The following CACHD1 variants were observed in gnomAD, a reference collection of about 807,000 sequenced individuals.
CACHD1 encodes the protein cache domain containing 1.
Under a neutral mutation model 138.7 loss-of-function variants are expected in CACHD1, and 71 were observed. The observed-to-expected ratio is 0.51, with a 90% CI of 0.42 to 0.62. The LOEUF is 0.62. Among genes scored for constraint, CACHD1 ranks in the 20% least tolerant of loss-of-function variants. CACHD1 has a pLI of 0.00. For missense variants in CACHD1, 1,389 were observed against 1,625.3 expected (o/e 0.85, Z 2.50); for synonymous variants, 578 against 591.5 (o/e 0.98, Z 0.33).
chr1:64,598,533 A>G (rs1261489086), intron 3 of CACHD1, among the ~76,000 whole-genome samples: 1 of 152,204 alleles, frequency 6.6e-6, no homozygotes, highest in Non-Finnish European at 1.5e-5. Context: ...CCTTCCAGCA[A>G]CTGTGCTAGA....
At chr1:64,477,631 T>TTA (rs1646183090) in intron 1 of CACHD1, among the ~76,000 whole-genome samples, 2 of 126,902 alleles carry the variant, frequency 1.6e-5, no homozygotes, top group African/African-American at 3.6e-5. Context: ...ATTATTTTAT[T>TTA]TTATTTTTTT....
At chr1:64,522,235 A>G (rs952908180) in intron 1 of CACHD1, among the ~76,000 whole-genome samples, 5 of 152,066 alleles carry the variant, frequency 3.3e-5, no homozygotes, top group African/African-American at 1.2e-4. Context: ...TGGTTTTGGC[A>G]CCCTTCAAGA....
At chr1:64,489,338 G>A (rs899497750) in intron 1 of CACHD1, among the ~76,000 whole-genome samples, 5 of 151,764 alleles carry the variant, frequency 3.3e-5, no homozygotes, top group Non-Finnish European at 7.3e-5. Flanking sequence ...TGATTTTGAA[G>A]AAGGAGTGAG....
intron 23 of CACHD1, 95 bp downstream of exon 23, chr1:64,678,405 C>T: frequency 8.0e-7 from 1 of 1,252,216 alleles, no homozygotes; most frequent in Non-Finnish European, 1.1e-6. Context: ...TTCCCAACTT[C>T]CCTGATTCCT....
intron 1 of CACHD1, among the ~76,000 whole-genome samples, chr1:64,530,412 G>T (rs914005641): frequency 1.3e-5 from 2 of 152,088 alleles, no homozygotes; most frequent in African/African-American, 4.8e-5. Context: ...AAATCTTTGT[G>T]TACACATCTG....
At chr1:64,535,396 GCTCACTGCAAC>G (rs1646624405) in intron 1 of CACHD1, among the ~76,000 whole-genome samples, 1 of 150,162 alleles carries the variant, frequency 6.7e-6, no homozygotes, top group Admixed American at 6.6e-5. Flanking sequence ...CATGATCTTG[GCTCACTGCAAC>G]CTCTGCCTCC....
chr1:64,637,378 A>G (rs1042137692), intron 7 of CACHD1, among the ~76,000 whole-genome samples: 2 of 152,202 alleles, frequency 1.3e-5, no homozygotes, highest in Non-Finnish European at 2.9e-5. Flanking sequence ...TCCATTGAGC[A>G]GGAATGTCTG....
intron 2 of CACHD1, among the ~76,000 whole-genome samples, chr1:64,555,057 C>T (rs1033642092): frequency 1.9e-4 from 29 of 152,264 alleles, no homozygotes; most frequent in African/African-American, 6.5e-4. Context: ...GGTGCAATCA[C>T]AGCTCACTAC....
At chr1:64,539,277 C>T (rs1646658345) in intron 1 of CACHD1, among the ~76,000 whole-genome samples, 1 of 152,144 alleles carries the variant, frequency 6.6e-6, no homozygotes, top group Non-Finnish European at 1.5e-5. Context: ...ATGTCACTCC[C>T]CAGTTAAAAA....
chr1:64,518,981 A>G (rs532119702), intron 1 of CACHD1, among the ~76,000 whole-genome samples: 23 of 152,246 alleles, frequency 1.5e-4, no homozygotes, highest in African/African-American at 5.5e-4. Flanking sequence ...GGTTCTATCA[A>G]TATCTTTGTG....
chr1:64,520,942 C>T (rs1195714042), intron 1 of CACHD1, among the ~76,000 whole-genome samples: 1 of 152,204 alleles, frequency 6.6e-6, no homozygotes, highest in African/African-American at 2.4e-5. Flanking sequence ...AGGTTTATCT[C>T]TGCAGGTAAG....
intron 1 of CACHD1, among the ~76,000 whole-genome samples, chr1:64,491,821 G>A (rs931877418): frequency 6.6e-6 from 1 of 152,068 alleles, no homozygotes; most frequent in African/African-American, 2.4e-5. Context: ...GGGTCTTACT[G>A]TCTTGCCCAG....
chr1:64,681,541 G>GGTTTTTTTTTTTTTTTTTTTTTTTTTTTT lies in CACHD1; in HGVS notation c.3484+206_3484+207insGTTTTTTTTTTTTTTTTTTTTTTTTTTTT, dbSNP rs1553146851. 1.9e-4 allele frequency among the ~76,000 whole-genome samples: 13 copies of GGTTTTTTTTTTTTTTTTTTTTTTTTTTTT among 68,148 alleles called. 2 individuals are homozygous for GGTTTTTTTTTTTTTTTTTTTTTTTTTTTT. The highest frequency in any genetic ancestry group is 6.6e-4 in the African/African-American group (9 of 13,660). 44.7% of individuals were successfully genotyped at this position (68,148 alleles called of 152,430 possible). A position where few individuals can be genotyped will look rare whatever the true frequency, so the allele number is the denominator to read the frequency against. ...AGAGAATCTCAAAAGATTTTATTGT[G>GGTTTTTTTTTTTTTTTTTTTTTTTTTTTT]TTTTTTTTTTTTTTTTTTTTTTTGC... On this transcript the variant is annotated intron_variant, in intron 25 of 26. Transcript: ENST00000651257.
intron 3 of CACHD1, among the ~76,000 whole-genome samples, chr1:64,594,886 AAT>A (rs1179231460): frequency 1.3e-5 from 2 of 152,218 alleles, no homozygotes; most frequent in African/African-American, 4.8e-5. Context: ...CAGATTTAAA[AAT>A]CTATCTATAA....
intron 2 of CACHD1, among the ~76,000 whole-genome samples, chr1:64,574,858 G>A (rs1028639235): frequency 6.6e-6 from 1 of 152,116 alleles, no homozygotes; most frequent in African/African-American, 2.4e-5. Flanking sequence ...AAACTTCTTT[G>A]ACTACAGCCC....
At chr1:64,578,059 C>G (rs1646983054) in intron 2 of CACHD1, among the ~76,000 whole-genome samples, 1 of 152,192 alleles carries the variant, frequency 6.6e-6, no homozygotes, top group Admixed American at 6.5e-5. Context: ...ACATTCTGCT[C>G]TTTGCCTTGT....
intron 2 of CACHD1, among the ~76,000 whole-genome samples, chr1:64,565,098 C>G (rs1194708753): frequency 6.7e-6 from 1 of 150,190 alleles, no homozygotes; most frequent in Non-Finnish European, 1.5e-5. Flanking sequence ...TGAGGGCTCT[C>G]ATTTTGTTTA....
At chr1:64,651,777 A>C (rs566493942) in intron 9 of CACHD1, among the ~76,000 whole-genome samples, 1 of 152,230 alleles carries the variant, frequency 6.6e-6, no homozygotes, top group Non-Finnish European at 1.5e-5. Context: ...TTTTAGATTC[A>C]TTGTCCATTG....
intron 3 of CACHD1, among the ~76,000 whole-genome samples, chr1:64,596,874 A>G (rs972201761): frequency 1.3e-5 from 2 of 152,198 alleles, no homozygotes; most frequent in African/African-American, 4.8e-5. Context: ...TACCTTAAAA[A>G]TTCATCCATG....
Sources: gnomAD v4.1 joint callset for allele counts (sites outside exome capture counted in the v4.1 genomes callset) on GRCh38, gnomAD v4.1.1 for gene constraint, MANE v1.5 for transcripts, NCBI Gene and HGNC (gene_info 2026-07-23, HGNC 2026-07-21) for gene names.